The following SETD7 variants were observed in gnomAD, a reference collection of about 807,000 sequenced individuals.
SETD7 encodes histone-lysine N-methyltransferase SETD7.
SETD7 carries 16 observed loss-of-function variants against 41.8 expected under a neutral mutation model. That is an observed-to-expected ratio of 0.38 (90% CI 0.26 to 0.58). SETD7 has a LOEUF of 0.58. SETD7 is among the 20% of genes least tolerant of loss of function. The pLI is 0.64. For synonymous variants in SETD7, 163 were observed against 169.7 expected, an observed-to-expected ratio of 0.96 and a Z score of 0.31; for missense variants, 346 against 459.7, an observed-to-expected ratio of 0.75 and a Z score of 2.26.
chr4:139,539,874 T>C (rs958471511), intron 2 of SETD7, among the ~76,000 whole-genome samples: 8 of 152,298 alleles, frequency 5.3e-5, no homozygotes, highest in Admixed American at 2.6e-4. Flanking sequence ...CAGGAGAAGA[T>C]GGACATCTAC....
chr4:139,550,418 C>A (rs1382709882), intron 1 of SETD7, among the ~76,000 whole-genome samples: 6 of 152,106 alleles, frequency 3.9e-5, no homozygotes, highest in East Asian at 3.9e-4. Context: ...GTTTTGTTTT[C>A]TTTACATCCC....
At position 139,533,982 on chromosome 4, in the gene SETD7, T is replaced by G. The variant is rs574675751; in HGVS notation, c.171-616A>C. Among the ~76,000 whole-genome samples, 441 of 152,214 alleles carry G rather than the reference T, an allele frequency of 2.9e-3. 2 individuals are homozygous for G. Among genetic ancestry groups the G allele is most frequent in the African/African-American group, 9.9e-3 (411 of 41,528 alleles). On this transcript the variant is annotated intron_variant, in intron 2 of 7. Coordinates refer to ENST00000274031, the MANE Select transcript of SETD7 (RefSeq NM_030648.4). ...CTATATATCTATGTATGTATGTATGTATGTATGTATATCTATGTATATACA... is the reference window on the plus strand; with the variant it reads ...CTATATATCTATGTATGTATGTATGGATGTATGTATATCTATGTATATACA...
At chr4:139,547,161 T>A in intron 1 of SETD7, 112 bp from the exon 2 acceptor site, 9 of 1,361,040 alleles carry the variant, frequency 6.6e-6, no homozygotes, top group Non-Finnish European at 8.0e-6. Flanking sequence ...CCCCTCCAGC[T>A]GCCAAAGGGT....
chr4:139,513,557 A>G (rs1361433993), intron 7 of SETD7, among the ~76,000 whole-genome samples: 1 of 152,020 alleles, frequency 6.6e-6, no homozygotes, highest in African/African-American at 2.4e-5. Flanking sequence ...AAAAGGAACA[A>G]CCTTTACCTC....
In SETD7 at chr4:139,546,032, T is replaced by C. The variant is rs1202475444; in HGVS notation, c.170+888A>G. ...GGGAAGCTGGGCCTGGGCAACCCCA[T>C]CTCTTCTTGAAAGAAAAACGTCCTA... On this transcript the variant is annotated intron_variant, in intron 2 of 7. Transcript: ENST00000274031. Among the ~76,000 whole-genome samples the C allele has an allele frequency of 2.6e-5, 4 of 152,294 alleles. No homozygotes were observed. The East Asian group carries it at 5.8e-4, about 22-fold the overall frequency.
At chr4:139,496,233 T>A (rs1405003000) in exon 8 of SETD7, 1 of 544,242 alleles carries the variant, frequency 1.8e-6, no homozygotes, top group East Asian at 3.0e-5. Context: ...TTATTAGGTA[T>A]CTCTTTTCAG....
At chr4:139,518,567 T>C (rs943871551) in intron 6 of SETD7, among the ~76,000 whole-genome samples, 8 of 152,068 alleles carry the variant, frequency 5.3e-5, no homozygotes, top group Non-Finnish European at 1.0e-4. Context: ...TTTTCCTTGT[T>C]CTATATGAAA....
At chr4:139,531,267 C>T (rs1727477042) in intron 3 of SETD7, among the ~76,000 whole-genome samples, 1 of 152,216 alleles carries the variant, frequency 6.6e-6, no homozygotes, top group African/African-American at 2.4e-5. Context: ...AATCCATTCA[C>T]CAATCTTGGC....
chr4:139,525,302 A>G (rs1175422317), intron 4 of SETD7, among the ~76,000 whole-genome samples: 4 of 152,198 alleles, frequency 2.6e-5, no homozygotes, highest in African/African-American at 9.7e-5. Flanking sequence ...TGCTGCTTTC[A>G]GGGAGTGCAC....
At chr4:139,498,850 C>A (rs1228171987) in intron 7 of SETD7, among the ~76,000 whole-genome samples, 1 of 152,218 alleles carries the variant, frequency 6.6e-6, no homozygotes, top group African/African-American at 2.4e-5. Flanking sequence ...TTATCTCATG[C>A]CTGTAATCCC....
At chr4:139,533,062 G>T in intron 3 of SETD7, 103 bp downstream of exon 3, 1 of 1,032,672 alleles carries the variant, frequency 9.7e-7, no homozygotes, top group Non-Finnish European at 1.5e-6. Context: ...GTGACTCTCA[G>T]GTTTCACAGC....
chr4:139,517,801 G>A, intron 7 of SETD7, 84 bp downstream of exon 7: 2 of 1,417,720 alleles, frequency 1.4e-6, no homozygotes, highest in Admixed American at 4.3e-5. Context: ...CTTTATCTGA[G>A]GCAGAATAAC....
At chr4:139,543,796 T>C (rs865934341) in intron 2 of SETD7, among the ~76,000 whole-genome samples, 17 of 62,674 alleles carry the variant, frequency 2.7e-4, no homozygotes, top group African/African-American at 1.3e-3. Flanking sequence ...ACTAAAAAAA[T>C]ACAAAAAAAA....
intron 5 of SETD7, 87 bp downstream of exon 5, chr4:139,523,267 A>G: frequency 1.1e-6 from 1 of 934,666 alleles, no homozygotes; most frequent in Non-Finnish European, 1.7e-6. Context: ...GCCTGGGCAG[A>G]GAGCCAAAGA....
chr4:139,531,042 T>A (rs1727470580), intron 3 of SETD7, among the ~76,000 whole-genome samples: 1 of 151,896 alleles, frequency 6.6e-6, no homozygotes, highest in African/African-American at 2.4e-5. Flanking sequence ...GGGGGAGAAA[T>A]CATTAATTTG....
At chr4:139,551,261 G>A (rs1728102730) in intron 1 of SETD7, among the ~76,000 whole-genome samples, 1 of 152,246 alleles carries the variant, frequency 6.6e-6, no homozygotes, top group Non-Finnish European at 1.5e-5. Context: ...AGTTCCCACT[G>A]AACAGAGGGT....
Position 139,511,458 on chromosome 4 carries a change from A to G in SETD7, c.*205T>C. On this transcript the variant is annotated 3_prime_UTR_variant, in exon 8 of 8. Coordinates refer to ENST00000274031, the MANE Select transcript of SETD7 (RefSeq NM_030648.4). ...ATGCTCGACAATACCTCTCAGTAGG[A>G]CGTTGTTGCAAGGCTAGCTAATTTT... 1.3e-6 allele frequency: 1 copy of G among 777,562 alleles called. No individual in the cohort carries two copies. Among genetic ancestry groups the G allele is most frequent in the Non-Finnish European group, 2.0e-6 (1 of 511,516 alleles). 48.2% of individuals were successfully genotyped at this position (777,562 alleles called of 1,614,324 possible). A position where few individuals can be genotyped will look rare whatever the true frequency, so the allele number is the denominator to read the frequency against.
chr4:139,531,114 A>G (rs926397431), intron 3 of SETD7, among the ~76,000 whole-genome samples: 11 of 152,328 alleles, frequency 7.2e-5, no homozygotes, highest in African/African-American at 2.6e-4. Flanking sequence ...GTAGGGGTTA[A>G]GAGGACAAAG....
downstream of SETD7, among the ~76,000 whole-genome samples, chr4:139,502,211 A>G (rs184591093): frequency 1.2e-4 from 19 of 152,352 alleles, no homozygotes; most frequent in African/African-American, 3.4e-4. Context: ...AGGATATGTT[A>G]GTGAATAAAA....
Sources: gnomAD v4.1 joint callset for allele counts (sites outside exome capture counted in the v4.1 genomes callset) on GRCh38, gnomAD v4.1.1 for gene constraint, MANE v1.5 for transcripts, NCBI Gene and HGNC (gene_info 2026-07-23, HGNC 2026-07-21) for gene names.